DOCK2: variants seen among roughly 807,000 people sequenced by gnomAD.
DOCK2 encodes dedicator of cytokinesis 2.
In DOCK2, 87 loss-of-function variants were observed where a neutral mutation model predicts 248.9. The observed-to-expected ratio is 0.35, with a 90% CI of 0.29 to 0.42. DOCK2 has a LOEUF of 0.42. Among genes scored for constraint, DOCK2 ranks in the 10% least tolerant of loss-of-function variants. DOCK2 has a pLI of 1.00. For missense variants in DOCK2, 1,747 were observed against 2,300.2 expected, an observed-to-expected ratio of 0.76 and a Z score of 4.92; for synonymous variants, 805 against 821.6, an observed-to-expected ratio of 0.98 and a Z score of 0.35.
intron 50 of DOCK2, chr5:170,080,560 G>A: frequency 2.4e-6 from 1 of 417,860 alleles, no homozygotes; most frequent in Non-Finnish European, 4.3e-6. Context: ...GTCACACTAG[G>A]TGGCCCCTTG....
At chr5:169,680,101 C>T (rs1335016943) in intron 6 of DOCK2, among the ~76,000 whole-genome samples, 1 of 152,154 alleles carries the variant, frequency 6.6e-6, no homozygotes, top group African/African-American at 2.4e-5. Context: ...CTCCTAAGCT[C>T]CTCCTATCTA....
At chr5:170,008,847 A>G in intron 32 of DOCK2, 101 bp downstream of exon 32, 2 of 1,363,582 alleles carry the variant, frequency 1.5e-6, no homozygotes, top group Non-Finnish European at 2.1e-6. Flanking sequence ...CAGTGGGAGC[A>G]TGAAATAACA....
chr5:170,078,012 C>T (rs1393715802), intron 48 of DOCK2, among the ~76,000 whole-genome samples, 175 bp downstream of exon 48: 5 of 152,134 alleles, frequency 3.3e-5, no homozygotes, highest in Non-Finnish European at 5.9e-5. Context: ...TGGTTAGTAC[C>T]ATTTTTAGGG....
At position 169,674,310 on chromosome 5, in the gene DOCK2, A is replaced by G. The variant is rs776741593; in HGVS notation, c.335A>G (p.Glu112Gly). The change falls in exon 6 of 52, where the codon GAG becomes GGG. Residue 112 changes from glutamate (E) to glycine (G), a missense_variant. Coordinates refer to ENST00000520908, the MANE Select transcript of DOCK2 (RefSeq NM_004946.3). ...WKQLYVASKK[E>G]RFLQVQSMMY... is the part of the protein sequence containing the mutation. ...CTTGTCTCCTAGGCCAGCAAAAAGGAGCGTTTTCTCCAGGTGCAGTCCATG... is the reference window on the plus strand; with the variant it reads ...CTTGTCTCCTAGGCCAGCAAAAAGGGGCGTTTTCTCCAGGTGCAGTCCATG... The G allele has an allele frequency of 8.1e-6, 13 of 1,614,014 alleles. No individual in the cohort carries two copies. The highest frequency in any genetic ancestry group is 1.1e-5 in the Non-Finnish European group (13 of 1,179,966).
chr5:169,971,493 G>T (rs1777508495), intron 27 of DOCK2, among the ~76,000 whole-genome samples: 2 of 150,928 alleles, frequency 1.3e-5, no homozygotes, highest in Admixed American at 1.3e-4. Flanking sequence ...GGCTTTACAG[G>T]AGCTCATTAA....
chr5:169,868,775 A>G (rs953710356), intron 27 of DOCK2, among the ~76,000 whole-genome samples: 1 of 152,156 alleles, frequency 6.6e-6, no homozygotes, highest in African/African-American at 2.4e-5. Context: ...AGAAAATGAT[A>G]TTAATGCTCT....
At chr5:170,050,730 T>TC (rs5873203) in intron 41 of DOCK2, among the ~76,000 whole-genome samples, 13,014 of 152,170 alleles carry the variant, frequency 0.086, 1,404 homozygotes, top group African/African-American at 0.25. Flanking sequence ...TGCAGTAAGT[T>TC]CCCATCTCCC....
At chr5:169,824,263 A>T (rs1300639244) in intron 26 of DOCK2, among the ~76,000 whole-genome samples, 22 of 152,330 alleles carry the variant, frequency 1.4e-4, no homozygotes, top group Middle Eastern at 6.8e-3. Flanking sequence ...CAGAATTGGA[A>T]AAAAACTACT....
rs370546110 is a variant in DOCK2, at chr5:169,825,675, T to C, written c.2704-15082T>C. On this transcript the variant is annotated intron_variant, in intron 26 of 51. Coordinates refer to ENST00000520908, the MANE Select transcript of DOCK2 (RefSeq NM_004946.3). Reference sequence around the variant, plus strand: ...TAGGAGAAATACCTAATGTAAATGATGAGTTAACAGGTGCAGCACACCAAC... The same window carrying C: ...TAGGAGAAATACCTAATGTAAATGACGAGTTAACAGGTGCAGCACACCAAC... Among the ~76,000 whole-genome samples the C allele has an allele frequency of 1.9e-4, 28 of 150,622 alleles. No individual in the cohort carries two copies. In the East Asian group the frequency reaches 5.1e-3, roughly 27 times the overall value.
chr5:170,064,459 C>G lies in DOCK2; in HGVS notation c.4468-3051C>G, dbSNP rs184643383. On this transcript the variant is annotated intron_variant, in intron 44 of 51. Transcript: ENST00000520908. ...ATCATAGAGCTTAGGAATATTATAA[C>G]TGAACTGAAAAATGCCATAGAAGGG... Among the ~76,000 whole-genome samples the G allele has an allele frequency of 2.0e-5, 3 of 151,734 alleles. No individual in the cohort carries two copies. The East Asian group carries it at 5.9e-4, about 30-fold the overall frequency.
intron 22 of DOCK2, among the ~76,000 whole-genome samples, chr5:169,725,837 C>T (rs1196930084): frequency 6.6e-6 from 1 of 152,156 alleles, no homozygotes; most frequent in Non-Finnish European, 1.5e-5. Context: ...GACATGAACT[C>T]ATCCTTTTTT....
At chr5:170,077,663 A>T in intron 47 of DOCK2, 47 bp from the exon 48 acceptor site, 1 of 1,607,008 alleles carries the variant, frequency 6.2e-7, no homozygotes, top group Non-Finnish European at 8.5e-7. Flanking sequence ...GGCTGGGGCC[A>T]CCTTCCCCAG....
Position 170,067,663 on chromosome 5 carries a change from G to C in DOCK2, c.4621G>C (p.Gly1541Arg). ...CGGGATTGTGGACCCTGCTGTCATGGGAGGCTTCGCCAAGTATGAGAAGGT... is the reference window on the plus strand; with the variant it reads ...CGGGATTGTGGACCCTGCTGTCATGCGAGGCTTCGCCAAGTATGAGAAGGT... ...LNGIVDPAVM[G>R]GFAKYEKAFF... The change falls in exon 45 of 52, where the codon GGA becomes CGA. Residue 1541 changes from glycine to arginine, a missense_variant. By Grantham distance (125) the Gly-to-Arg change is moderately radical. Transcript: ENST00000520908. 1.2e-6 allele frequency: 2 copies of C among 1,614,112 alleles called. No individual in the cohort carries two copies. Among genetic ancestry groups the C allele is most frequent in the Non-Finnish European group, 1.7e-6 (2 of 1,179,980 alleles).
intron 2 of DOCK2, among the ~76,000 whole-genome samples, chr5:169,660,267 G>C (rs10067061): frequency 6.6e-6 from 1 of 152,092 alleles, no homozygotes; most frequent in Non-Finnish European, 1.5e-5. Flanking sequence ...CCAGGAGTTC[G>C]AGGCTGCAGT....
chr5:169,702,268 A>T (rs1458249958), intron 13 of DOCK2, 35 bp from the exon 14 acceptor site: 1 of 1,610,426 alleles, frequency 6.2e-7, no homozygotes, highest in Non-Finnish European at 8.5e-7. Context: ...GCTGTAATCC[A>T]CACTAACTCT....
rs115910897 is a variant in DOCK2 at position 169,744,567 on chromosome 5, G to A, written c.2268-2829G>A. ...CAGCCAGGGCTAGTCTAGGCAAAAA[G>A]GAGAGTTTATTTTAAAGATATTTGT... On this transcript the variant is annotated intron_variant, in intron 22 of 51. Transcript: ENST00000520908. 3.4e-3 allele frequency among the ~76,000 whole-genome samples: 520 copies of A among 151,846 alleles called. 6 individuals carry two copies. The highest frequency in any genetic ancestry group is 0.012 in the African/African-American group (499 of 41,302).
Position 170,081,950 on chromosome 5 carries a change from C to T in DOCK2, c.5396C>T (p.Thr1799Ile). 4 of 1,614,126 alleles carry T rather than the reference C, an allele frequency of 2.5e-6. No homozygotes were observed. The highest frequency in any genetic ancestry group is 4.5e-5 in the East Asian group (2 of 44,882). ...TCAGATGGTGACAAGAAGACACTCA[C>T]ACGGAAGAAGGTCAATCAGTTCTTC... The part of the protein sequence containing the change: ...QLSDGDKKTL[T>I]RKKVNQFFKT... Residue 1799 changes from threonine (T) to isoleucine (I), a missense_variant, in exon 51 of 52, where the codon ACA (threonine) becomes ATA (isoleucine). By Grantham distance (89) the Thr-to-Ile change is moderately conservative. This residue lies in a region of DOCK2 where 513 missense variants were observed against 586.1 expected (regional missense o/e 0.88). Coordinates refer to ENST00000520908, the MANE Select transcript of DOCK2 (RefSeq NM_004946.3).
At chr5:169,890,921 A>G (rs1773245018) in intron 27 of DOCK2, among the ~76,000 whole-genome samples, 1 of 152,150 alleles carries the variant, frequency 6.6e-6, no homozygotes, top group African/African-American at 2.4e-5. Flanking sequence ...AATCTTGATA[A>G]TATTTAATCA....
intron 27 of DOCK2, among the ~76,000 whole-genome samples, chr5:169,947,905 A>AAG (rs1776509821): frequency 1.3e-5 from 2 of 152,016 alleles, no homozygotes; most frequent in Admixed American, 1.3e-4. Flanking sequence ...ATAAATAAAA[A>AAG]GTAAATGTCA....
Sources: gnomAD v4.1 joint callset for allele counts (sites outside exome capture counted in the v4.1 genomes callset) on GRCh38, gnomAD v4.1.1 for gene constraint, gnomAD v4.1.1 regional missense constraint, MANE v1.5 for transcripts, NCBI Gene and HGNC (gene_info 2026-07-23, HGNC 2026-07-21) for gene names.